The following MAMLD1 variants were observed in gnomAD, a reference collection of about 807,000 sequenced individuals.
The protein encoded by MAMLD1 is mastermind like domain containing 1.
A neutral mutation model predicts 45.0 loss-of-function variants in MAMLD1; 14 were observed. The ratio of observed to expected loss-of-function variants is 0.31; its 90% CI spans 0.21 to 0.49. MAMLD1 has a LOEUF of 0.49. MAMLD1 is among the 20% of genes least tolerant of loss of function. The pLI, the probability that MAMLD1 is intolerant of heterozygous loss-of-function variation, is 0.99. For missense variants in MAMLD1, 543 were observed against 603.6 expected (o/e 0.90, Z 1.05); for synonymous variants, 254 against 247.8 (o/e 1.02, Z -0.24).
upstream of MAMLD1, among the ~76,000 whole-genome samples, chrX:150,362,446 TCTC>T (rs1557400517): frequency 9.2e-6 from 1 of 108,113 alleles, no homozygotes; most frequent in African/African-American, 3.4e-5. Flanking sequence ...TCTCCTCTCC[TCTC>T]CTCTCATCTC....
At chrX:150,481,562 G>T (rs140498951) in intron 5 of MAMLD1, among the ~76,000 whole-genome samples, 5,881 of 111,765 alleles carry the variant, frequency 0.053, 315 homozygotes, top group African/African-American at 0.16. Context: ...GGACACAGTG[G>T]CTCACACCTG....
chrX:150,429,449 T>G (rs1167174571), intron 1 of MAMLD1, among the ~76,000 whole-genome samples: 1 of 111,048 alleles, frequency 9.0e-6, no homozygotes, highest in Non-Finnish European at 1.9e-5. Flanking sequence ...GTTTCTTACT[T>G]GGGAAAAATT....
At chrX:150,493,740 T>G (rs2037264457) in intron 5 of MAMLD1, among the ~76,000 whole-genome samples, 1 of 111,954 alleles carries the variant, frequency 8.9e-6, no homozygotes, top group South Asian at 3.7e-4. Flanking sequence ...CACAGATGGC[T>G]CATCTGTTTT....
At chrX:150,366,030 T>C (rs1386076164) in intron 1 of MAMLD1, among the ~76,000 whole-genome samples, 1 of 112,015 alleles carries the variant, frequency 8.9e-6, no homozygotes, top group Admixed American at 9.4e-5. Flanking sequence ...TGCCCCAAAG[T>C]GGTCGGTGTC....
intron 5 of MAMLD1, among the ~76,000 whole-genome samples, chrX:150,474,655 T>A (rs895692524): frequency 4.5e-5 from 5 of 112,130 alleles, no homozygotes; most frequent in Non-Finnish European, 7.5e-5. Flanking sequence ...GGGCTCCTTT[T>A]GCTCTAGGCC....
chrX:150,403,231 T>C (rs977203864), intron 1 of MAMLD1, among the ~76,000 whole-genome samples: 4 of 111,673 alleles, frequency 3.6e-5, no homozygotes, highest in African/African-American at 1.3e-4. Flanking sequence ...TGATTCCATT[T>C]ACATGGAATG....
At chrX:150,507,611 G>A (rs908325842) in intron 6 of MAMLD1, among the ~76,000 whole-genome samples, 3 of 112,322 alleles carry the variant, frequency 2.7e-5, no homozygotes, top group Non-Finnish European at 5.6e-5. Context: ...CACCCAGGCT[G>A]GGTGTCAGCA....
At position 150,473,781 on chromosome X, in the gene MAMLD1, A is replaced by G. The variant is rs1557406707; in HGVS notation, c.2019A>G (p.Gly673=). 3 of 1,210,192 alleles carry G rather than the reference A, an allele frequency of 2.5e-6. No individual in the cohort carries two copies. The highest frequency in any genetic ancestry group is 2.3e-4 in the Middle Eastern group (1 of 4,353). Residue 673 remains glycine (G), a synonymous_variant, in exon 5 of 8, where the codon GGA becomes GGG. Coordinates refer to ENST00000370401, the MANE Select transcript of MAMLD1 (RefSeq NM_005491.5). ...SFTSRQDPQP[G]DVSPSNITHV... is the part of the protein sequence containing the mutation. ...CTAGCAGGCAAGATCCTCAGCCTGG[A>G]GACGTGTCACCGTCTAACATTGTGA...
chrX:150,403,810 AAAGG>A (rs1398255322), intron 1 of MAMLD1, among the ~76,000 whole-genome samples: 4 of 105,169 alleles, frequency 3.8e-5, no homozygotes, highest in African/African-American at 1.4e-4. Context: ...AGAAAGGAAG[AAAGG>A]AAGAAAGAAA....
intron 5 of MAMLD1, among the ~76,000 whole-genome samples, chrX:150,500,779 C>G (rs1356703737): frequency 1.0e-5 from 1 of 99,520 alleles, no homozygotes; most frequent in East Asian, 3.5e-4. Flanking sequence ...TTGTACCTCA[C>G]ACTTAGAGTG....
At chrX:150,396,759 T>C (rs965873066) in intron 1 of MAMLD1, among the ~76,000 whole-genome samples, 11 of 111,802 alleles carry the variant, frequency 9.8e-5, no homozygotes, top group African/African-American at 3.3e-4. Context: ...TTTTTTGTTG[T>C]TTTTCTTTTG....
intron 1 of MAMLD1, among the ~76,000 whole-genome samples, chrX:150,388,377 G>T (rs782444672): frequency 9.0e-6 from 1 of 111,713 alleles, no homozygotes; most frequent in Non-Finnish European, 1.9e-5. Context: ...GGATTGGGAA[G>T]TAAGTATTCC....
chrX:150,459,137 T>C (rs1221791205), intron 2 of MAMLD1, among the ~76,000 whole-genome samples: 4 of 111,746 alleles, frequency 3.6e-5, no homozygotes, highest in African/African-American at 1.3e-4. Flanking sequence ...GTTTTTATCA[T>C]GCCAGGAAAG....
At chrX:150,390,450 G>A (rs933906622) in intron 1 of MAMLD1, among the ~76,000 whole-genome samples, 7 of 111,442 alleles carry the variant, frequency 6.3e-5, no homozygotes, top group Non-Finnish European at 3.8e-5. Flanking sequence ...TATGTTTTAT[G>A]GTTTTTAGCA....
At chrX:150,465,097 C>T (rs1427203038) in intron 3 of MAMLD1, among the ~76,000 whole-genome samples, 1 of 112,030 alleles carries the variant, frequency 8.9e-6, no homozygotes, top group East Asian at 2.8e-4. Context: ...ATCTTCTTGC[C>T]CAATAGGAAC....
intron 3 of MAMLD1, among the ~76,000 whole-genome samples, chrX:150,469,355 C>G (rs1432063922): frequency 1.8e-5 from 2 of 112,320 alleles, no homozygotes; most frequent in East Asian, 5.6e-4. Flanking sequence ...GTTGAACTCT[C>G]CTTGAAGTGG....
rs782562288 is a variant in MAMLD1 at position 150,423,893 on chromosome X, A to T, written c.-63-21561A>T. On this transcript the variant is annotated intron_variant, in intron 1 of 7. Transcript: ENST00000370401. ...CATAGGAAAAGATGATGCTTATAGC[A>T]TAGGAAAAGATGATGCTAAACAAGT... 5.3e-5 allele frequency among the ~76,000 whole-genome samples: 6 copies of T among 112,677 alleles called. No homozygotes were observed. In the South Asian group the frequency reaches 2.2e-3, roughly 41 times the overall value.
Position 150,512,241 on chromosome X carries a change from C to T in MAMLD1, c.*282C>T. ...CCCATCCTCTCACACTCAGGCCAGA[C>T]TCCCCTGGGCAGACTTGACTCTGTC... On this transcript the variant is annotated 3_prime_UTR_variant, in exon 8 of 8. Transcript: ENST00000370401. 1 of 1,113,677 alleles carries T rather than the reference C, an allele frequency of 9.0e-7. No individual in the cohort carries two copies. The highest frequency in any genetic ancestry group is 2.2e-5 in the South Asian group (1 of 45,427). 91.8% of individuals were successfully genotyped at this position (1,113,677 alleles called of 1,213,427 possible). A position where few individuals can be genotyped will look rare whatever the true frequency, so the allele number is the denominator to read the frequency against.
chrX:150,443,355 G>A (rs1439947198), intron 1 of MAMLD1, among the ~76,000 whole-genome samples: 1 of 105,572 alleles, frequency 9.5e-6, no homozygotes, highest in African/African-American at 3.4e-5. Flanking sequence ...TTTTTTCCAG[G>A]ATATCTTCTC....
Sources: gnomAD v4.1 joint callset for allele counts (sites outside exome capture counted in the v4.1 genomes callset) on GRCh38, gnomAD v4.1.1 for gene constraint, MANE v1.5 for transcripts, NCBI Gene and HGNC (gene_info 2026-07-23, HGNC 2026-07-21) for gene names.